The following PTPRG variants were observed in gnomAD, a reference collection of about 807,000 sequenced individuals.
PTPRG encodes receptor-type tyrosine-protein phosphatase gamma.
Under a neutral mutation model 165.3 loss-of-function variants are expected in PTPRG, and 102 were observed. The ratio of observed to expected loss-of-function variants is 0.62; its 90% CI spans 0.53 to 0.73. PTPRG has a LOEUF of 0.73. Ranked by LOEUF, PTPRG falls within the 30% of genes least tolerant of loss-of-function variation. The pLI is 0.00. For missense variants in PTPRG, 1,866 were observed against 1,861.4 expected, an observed-to-expected ratio of 1.00 and a Z score of -0.05; for synonymous variants, 675 against 669.5, an observed-to-expected ratio of 1.01 and a Z score of -0.13.
chr3:61,642,854 T>C (rs962081096), intron 1 of PTPRG, among the ~76,000 whole-genome samples: 1 of 152,314 alleles, frequency 6.6e-6, no homozygotes. Flanking sequence ...TTGATGGATC[T>C]GGGCATGAGA....
chr3:61,860,142 T>C (rs182885861), intron 2 of PTPRG, among the ~76,000 whole-genome samples: 2 of 152,348 alleles, frequency 1.3e-5, no homozygotes, highest in East Asian at 1.9e-4. Context: ...AGAGGAAATA[T>C]TGTATGTACA....
intron 5 of PTPRG, among the ~76,000 whole-genome samples, chr3:62,090,494 C>A (rs188528192): frequency 1.3e-5 from 2 of 152,124 alleles, no homozygotes; most frequent in African/African-American, 2.4e-5. Flanking sequence ...TCCCCCGCTG[C>A]CCTTTTTAAT....
chr3:61,853,686 TAGTG>T (rs1441904450), intron 2 of PTPRG, among the ~76,000 whole-genome samples: 1 of 152,180 alleles, frequency 6.6e-6, no homozygotes, highest in East Asian at 1.9e-4. Flanking sequence ...TGTTCTAACT[TAGTG>T]AGTTTTGGGG....
chr3:62,095,285 C>T (rs1575996650), intron 5 of PTPRG, among the ~76,000 whole-genome samples: 1 of 152,144 alleles, frequency 6.6e-6, no homozygotes, highest in African/African-American at 2.4e-5. Flanking sequence ...CCCCATGTGA[C>T]CTTCAGTGAG....
intron 2 of PTPRG, among the ~76,000 whole-genome samples, chr3:61,815,045 G>A (rs926684849): frequency 6.6e-6 from 1 of 151,832 alleles, no homozygotes; most frequent in Non-Finnish European, 1.5e-5. Flanking sequence ...TTTGTGAGCT[G>A]CCTGCTAATT....
Position 62,190,769 on chromosome 3 carries a change from C to T in PTPRG, c.1034-700C>T, listed in dbSNP as rs1699789975. ...TTAGCACACTCCACCAGTCCAACGG[C>T]CTGGCTTCTTCAAAACGTCCATCAT... On this transcript the variant is annotated intron_variant, in intron 8 of 29. Coordinates refer to ENST00000474889, the MANE Select transcript of PTPRG (RefSeq NM_002841.4). The surrounding 1 kb of genome is among the most constrained non-coding windows in gnomAD (Gnocchi z 5.2). Among the ~76,000 whole-genome samples, 1 of 152,208 alleles carries T rather than the reference C, an allele frequency of 6.6e-6. No individual in the cohort carries two copies. The highest frequency in any genetic ancestry group is 2.4e-5 in the African/African-American group (1 of 41,452).
At chr3:61,862,568 T>C (rs1295563120) in intron 2 of PTPRG, among the ~76,000 whole-genome samples, 1 of 151,992 alleles carries the variant, frequency 6.6e-6, no homozygotes, top group Non-Finnish European at 1.5e-5. Context: ...ACTAATTTTG[T>C]ATTTTCAATA....
intron 1 of PTPRG, among the ~76,000 whole-genome samples, chr3:61,695,846 T>C (rs2106680167): frequency 6.6e-6 from 1 of 152,308 alleles, no homozygotes; most frequent in South Asian, 2.1e-4. Context: ...ACAGAATTAA[T>C]CAATTTTGAG....
At chr3:61,631,298 C>CT (rs1324358448) in intron 1 of PTPRG, among the ~76,000 whole-genome samples, 1 of 152,052 alleles carries the variant, frequency 6.6e-6, no homozygotes, top group African/African-American at 2.4e-5. Flanking sequence ...CCCTTATCTG[C>CT]GGTTTTGCTT....
intron 2 of PTPRG, among the ~76,000 whole-genome samples, chr3:61,886,120 C>G (rs556167553): frequency 4.6e-5 from 7 of 152,040 alleles, no homozygotes; most frequent in Non-Finnish European, 2.9e-5. Flanking sequence ...AAAAGTTATC[C>G]CACAGTTTAG....
chr3:61,858,230 C>G (rs1040623483), intron 2 of PTPRG, among the ~76,000 whole-genome samples: 8 of 152,134 alleles, frequency 5.3e-5, no homozygotes, highest in South Asian at 4.1e-4. Context: ...GCCACAAATA[C>G]AGAAGTACAT....
At chr3:62,191,195 A>G (rs1465001781) in intron 8 of PTPRG, among the ~76,000 whole-genome samples, 1 of 147,418 alleles carries the variant, frequency 6.8e-6, no homozygotes, top group Non-Finnish European at 1.5e-5. Flanking sequence ...ACATATGTGT[A>G]TGTGCATTTG....
intron 2 of PTPRG, among the ~76,000 whole-genome samples, chr3:61,886,855 ACT>A (rs2038050966): frequency 6.7e-6 from 1 of 149,236 alleles, no homozygotes; most frequent in Non-Finnish European, 1.5e-5. Flanking sequence ...TGCTTCATAG[ACT>A]CTCTGTATCC....
At chr3:61,895,546 G>A (rs1247874556) in intron 2 of PTPRG, among the ~76,000 whole-genome samples, 5 of 152,168 alleles carry the variant, frequency 3.3e-5, no homozygotes, top group Non-Finnish European at 7.3e-5. Flanking sequence ...TAGAAACTGA[G>A]GAGCAATTAT....
At chr3:62,125,522 C>T (rs751826280) in intron 5 of PTPRG, among the ~76,000 whole-genome samples, 1 of 152,084 alleles carries the variant, frequency 6.6e-6, no homozygotes, top group South Asian at 2.1e-4. Context: ...TCCACTAAGC[C>T]TTTGATATTG....
intron 4 of PTPRG, among the ~76,000 whole-genome samples, chr3:62,057,096 A>C (rs1264313299): frequency 6.6e-6 from 1 of 152,248 alleles, no homozygotes. Flanking sequence ...AATGACTCTG[A>C]TGGCAGACTG....
intron 13 of PTPRG, among the ~76,000 whole-genome samples, chr3:62,220,742 C>T (rs185394937): frequency 2.1e-4 from 32 of 152,264 alleles, no homozygotes; most frequent in African/African-American, 7.0e-4. Context: ...CTGGAGGCCA[C>T]CTAGTGTGAG....
In PTPRG at chr3:61,591,993, G is replaced by A. The variant is rs531647893; in HGVS notation, c.85+29621G>A. Among the ~76,000 whole-genome samples the A allele has an allele frequency of 4.9e-3, 731 of 149,538 alleles. 4 individuals carry two copies. The highest frequency in any genetic ancestry group is 0.017 in the African/African-American group (692 of 40,670). On this transcript the variant is annotated intron_variant, in intron 1 of 29. Transcript: ENST00000474889. Reference sequence around the variant, plus strand: ...GGAGTGCTAATTTTTTTTTTTTTTGGATGGAGTTTCACTCTTGTTGCCCAG... The same window carrying A: ...GGAGTGCTAATTTTTTTTTTTTTTGAATGGAGTTTCACTCTTGTTGCCCAG...
Position 62,271,675 on chromosome 3 carries a change from G to A in PTPRG, c.3182+120G>A, listed in dbSNP as rs915492268. On this transcript the variant is annotated intron_variant, in intron 21 of 29. Coordinates refer to ENST00000474889, the MANE Select transcript of PTPRG (RefSeq NM_002841.4). This position sits in a 1 kb window ranked among gnomAD's most constrained non-coding sequence, Gnocchi z 4.1. ...AAGCTGAATCTTCCACTGGAAACTG[G>A]GATGGATAAGACCTATGATAGTCTT... The A allele has an allele frequency of 3.5e-5, 30 of 856,824 alleles. No homozygotes were observed. In the East Asian group the frequency reaches 7.7e-4, roughly 22 times the overall value. The allele number at this position is 856,824 out of a possible 1,614,324, so 53.1% of individuals were successfully genotyped here. A position where few individuals can be genotyped will look rare whatever the true frequency, so the allele number is the denominator to read the frequency against.
Sources: gnomAD v4.1 joint callset for allele counts (sites outside exome capture counted in the v4.1 genomes callset) on GRCh38, gnomAD v4.1.1 for gene constraint, Gnocchi (gnomAD v3.1) non-coding constraint, MANE v1.5 for transcripts, NCBI Gene and HGNC (gene_info 2026-07-23, HGNC 2026-07-21) for gene names.